Variants in SEPTIN2 observed in about 807,000 individuals in gnomAD.
SEPTIN2 encodes the protein septin-2.
SEPTIN2 carries 34 observed loss-of-function variants against 46.5 expected under a neutral mutation model. The ratio of observed to expected loss-of-function variants is 0.73; its 90% CI spans 0.56 to 0.97. The LOEUF (loss-of-function observed/expected upper bound fraction) is 0.97. Among genes scored for constraint, SEPTIN2 ranks in the 50% least tolerant of loss-of-function variants. The pLI, the probability that SEPTIN2 is intolerant of heterozygous loss-of-function variation, is 0.00. For missense variants in SEPTIN2, 347 were observed against 448.4 expected, an observed-to-expected ratio of 0.77 and a Z score of 2.04; for synonymous variants, 175 against 153.4, an observed-to-expected ratio of 1.14 and a Z score of -1.04.
At chr2:241,320,845 T>C (rs890253040) in intron 1 of SEPTIN2, among the ~76,000 whole-genome samples, 1 of 152,052 alleles carries the variant, frequency 6.6e-6, no homozygotes, top group Admixed American at 6.5e-5. Flanking sequence ...TTTCCCCCCC[T>C]CATAATTCAT....
chr2:241,319,706 C>T (rs369156239), intron 1 of SEPTIN2, among the ~76,000 whole-genome samples: 2 of 152,318 alleles, frequency 1.3e-5, no homozygotes, highest in South Asian at 2.1e-4. Context: ...ATCCTCCCAC[C>T]TCAGTCTCCC....
chr2:241,338,685 A>G (rs1476101104), intron 7 of SEPTIN2, among the ~76,000 whole-genome samples: 7 of 117,630 alleles, frequency 6.0e-5, no homozygotes, highest in African/African-American at 1.9e-4. Flanking sequence ...TATATTACAT[A>G]TGTAATATAT....
At chr2:241,330,454 G>A (rs1428670716) in intron 3 of SEPTIN2, among the ~76,000 whole-genome samples, 1 of 152,248 alleles carries the variant, frequency 6.6e-6, no homozygotes, top group Non-Finnish European at 1.5e-5. Flanking sequence ...TGTAGCTGTG[G>A]AGGGAGGGTT....
Position 241,338,980 on chromosome 2 carries a change from A to G in SEPTIN2, c.594+1190A>G, listed in dbSNP as rs1259990342. Among the ~76,000 whole-genome samples the G allele has an allele frequency of 1.1e-4, 12 of 110,580 alleles. No homozygotes were observed. The South Asian group carries it at 2.9e-3, about 27-fold the overall frequency. 72.5% of individuals were successfully genotyped at this position (110,580 alleles called of 152,430 possible). A position where few individuals can be genotyped will look rare whatever the true frequency, so the allele number is the denominator to read the frequency against. ...AATATATATTATAAATATAATATAT[A>G]AATATATTTATAAATATATATAAAT... is the stretch of plus-strand genomic sequence containing the variant. On this transcript the variant is annotated intron_variant, in intron 7 of 12. Transcript: ENST00000391971.
chr2:241,339,168 C>T (rs1469016231), intron 7 of SEPTIN2, among the ~76,000 whole-genome samples: 1 of 149,502 alleles, frequency 6.7e-6, no homozygotes, highest in African/African-American at 2.5e-5. Flanking sequence ...CTGAGGCAGG[C>T]ACATCACCAG....
rs1415507983 is a variant in SEPTIN2, at chr2:241,350,076, C to T, written c.988C>T (p.Arg330Cys). 23 of 1,613,614 alleles carry T rather than the reference C, an allele frequency of 1.4e-5. No individual in the cohort carries two copies. The highest frequency in any genetic ancestry group is 1.8e-5 in the Non-Finnish European group (21 of 1,179,792). Residue 330 changes from arginine to cysteine, a missense_variant, in exon 12 of 13, where the codon CGC becomes TGC. Physicochemically the swap from Arg to Cys is radical, Grantham distance 180 (BLOSUM62 -3). Transcript: ENST00000391971. Reference sequence around the variant, plus strand: ...TAATGTGTGTGTGTGTTCACAGCTCCGCCGCATGCAAGAGATGATTGCAAG... The same window carrying T: ...TAATGTGTGTGTGTGTTCACAGCTCTGCCGCATGCAAGAGATGATTGCAAG... Reference protein sequence around the residue: ...QILLEKEAELRRMQEMIARMQ... With the variant: ...QILLEKEAELCRMQEMIARMQ...
intron 11 of SEPTIN2, among the ~76,000 whole-genome samples, chr2:241,349,207 A>C (rs1200457977): frequency 6.6e-6 from 1 of 151,876 alleles, no homozygotes; most frequent in Non-Finnish European, 1.5e-5. Flanking sequence ...TCTAGAAAAA[A>C]ATTAAAAAAT....
chr2:241,350,186 CAT>C lies in SEPTIN2; in HGVS notation c.*15_*16del, dbSNP rs2060657254. The C allele has an allele frequency of 1.3e-6, 2 of 1,598,450 alleles. No homozygotes were observed. Among genetic ancestry groups the C allele is most frequent in the Non-Finnish European group, 1.7e-6 (2 of 1,172,422 alleles). ...GGCACCACGTGTAAGGTGATGTGCA[CAT>C]ATCAAGAAGTCAGAGGTAGGCCCTG... is the stretch of plus-strand genomic sequence containing the variant. On this transcript the variant is annotated 3_prime_UTR_variant, in exon 12 of 13. Coordinates refer to ENST00000391971, the MANE Select transcript of SEPTIN2 (RefSeq NM_004404.5).
intron 3 of SEPTIN2, among the ~76,000 whole-genome samples, chr2:241,326,820 G>A (rs576105300): frequency 2.0e-5 from 3 of 152,254 alleles, no homozygotes; most frequent in South Asian, 2.1e-4. Context: ...CAGGCATGGC[G>A]GCTCACACCT....
chr2:241,323,532 A>G (rs2077461389), intron 1 of SEPTIN2, among the ~76,000 whole-genome samples: 2 of 152,210 alleles, frequency 1.3e-5, no homozygotes, highest in Admixed American at 1.3e-4. Context: ...TGCTGGAATT[A>G]CAGGCGTGAG....
At chr2:241,318,822 T>C (rs2076742887) in intron 1 of SEPTIN2, among the ~76,000 whole-genome samples, 1 of 151,724 alleles carries the variant, frequency 6.6e-6, no homozygotes, top group Non-Finnish European at 1.5e-5. Flanking sequence ...CTCAGCCTCC[T>C]GGGTAGCTGG....
chr2:241,316,332 CT>C, intron 1 of SEPTIN2: 1 of 467,446 alleles, frequency 2.1e-6, no homozygotes, highest in East Asian at 3.9e-5. Context: ...AGGTTTGGTG[CT>C]TGGAGGGAGG....
rs768082146 is a variant in SEPTIN2, at chr2:241,348,296, C to T, written c.984+105C>T. ...AGGCTGGAGTGCAGTGGCGTGATCT[C>T]GGCTCACTGCAACCTCTGCCTCCCG... On this transcript the variant is annotated intron_variant, in intron 11 of 12. Coordinates refer to ENST00000391971, the MANE Select transcript of SEPTIN2 (RefSeq NM_004404.5). 2.6e-5 allele frequency: 20 copies of T among 771,082 alleles called. 1 individual carries two copies. The highest frequency in any genetic ancestry group is 2.7e-4 in the Middle Eastern group (1 of 3,760). 47.8% of individuals were successfully genotyped at this position (771,082 alleles called of 1,614,324 possible).
chr2:241,324,499 T>C, intron 2 of SEPTIN2: 1 of 473,176 alleles, frequency 2.1e-6, no homozygotes, highest in South Asian at 1.9e-5. Flanking sequence ...GCGATTCCCC[T>C]GGCTCAGCCT....
intron 1 of SEPTIN2, among the ~76,000 whole-genome samples, chr2:241,323,808 G>A (rs4346380): frequency 0.11 from 16,705 of 152,106 alleles, 1,177 homozygotes; most frequent in Non-Finnish European, 0.15. Flanking sequence ...TAACATTTTC[G>A]GAACTAAGGC....
At chr2:241,345,946 G>GT (rs1429717749) in intron 9 of SEPTIN2, among the ~76,000 whole-genome samples, 2 of 152,180 alleles carry the variant, frequency 1.3e-5, no homozygotes, top group South Asian at 2.1e-4. Flanking sequence ...GTCGAGACCT[G>GT]TGTTTGTATA....
At chr2:241,315,634 A>T (rs936398839), upstream of SEPTIN2, 4 of 152,340 alleles carry the variant, frequency 2.6e-5, no homozygotes, top group Non-Finnish European at 4.4e-5. Context: ...CGAAACAGGG[A>T]CAAGCCGCCA....
rs1240819011 is a variant in SEPTIN2 at position 241,336,200 on chromosome 2, A to G, written c.341+102A>G. ...TGATTATTAAGTTTGGGATTGCTGT[A>G]TATAATAAAACACCTAGACAATTTA... On this transcript the variant is annotated intron_variant, in intron 5 of 12. Transcript: ENST00000391971. 5 of 1,205,486 alleles carry G rather than the reference A, an allele frequency of 4.1e-6. No homozygotes were observed. In the African/African-American group the frequency reaches 4.7e-5, roughly 11 times the overall value. The allele number at this position is 1,205,486 out of a possible 1,614,324, so 74.7% of individuals were successfully genotyped here.
chr2:241,326,170 C>G, intron 3 of SEPTIN2, 57 bp downstream of exon 3: 3 of 1,526,860 alleles, frequency 2.0e-6, no homozygotes, highest in Non-Finnish European at 2.7e-6. Context: ...CCTTTCCAAT[C>G]TCTGGAGTAT....
Sources: allele counts gnomAD v4.1 joint callset (sites outside exome capture counted in the v4.1 genomes callset), GRCh38; gene constraint gnomAD v4.1.1; transcripts MANE v1.5; gene names NCBI Gene and HGNC (gene_info 2026-07-23, HGNC 2026-07-21).